Variants in NCOR1 observed in about 807,000 individuals in gnomAD.
NCOR1 encodes nuclear receptor corepressor 1, also known as protein phosphatase 1, regulatory subunit 109.
In NCOR1, 63 loss-of-function variants were observed where a neutral mutation model predicts 288.1. The ratio of observed to expected loss-of-function variants is 0.22; its 90% CI spans 0.18 to 0.27. The LOEUF (loss-of-function observed/expected upper bound fraction) is 0.27. Ranked by LOEUF, NCOR1 falls within the 10% of genes least tolerant of loss-of-function variation. The pLI is 1.00. For missense variants in NCOR1, 2,397 were observed against 3,019.2 expected, an observed-to-expected ratio of 0.79 and a Z score of 4.83; for synonymous variants, 1,007 against 1,065.9, an observed-to-expected ratio of 0.94 and a Z score of 1.08.
At position 16,052,552 on chromosome 17, in the gene NCOR1, G is replaced by GA. The variant is rs1018723620; in HGVS notation, c.6393-3565dup. Among the ~76,000 whole-genome samples the GA allele has an allele frequency of 4.6e-5, 7 of 152,118 alleles. No homozygotes were observed. In the Middle Eastern group the frequency reaches 0.01, roughly 222 times the overall value. On this transcript the variant is annotated intron_variant, in intron 40 of 45. Transcript: ENST00000268712. ...ATACACCCTCCTAAAACTGAACCAG[G>GA]AAAAAACTGATTCCCTGAACAGACC...
In NCOR1 at chr17:16,039,561, T is replaced by C; in HGVS notation, c.6827A>G (p.Asp2276Gly). 3.1e-6 allele frequency: 5 copies of C among 1,614,178 alleles called. No individual in the cohort carries two copies. The highest frequency in any genetic ancestry group is 4.2e-6 in the Non-Finnish European group (5 of 1,180,034). ...IIRKALMGSF[D>G]DKVEDHGVVM... The stretch of plus-strand genomic sequence containing the variant: ...AACTCCATGATCCTCAACTTTGTCA[T>C]CAAAGCTTCCCATGAGAGCCTTCCT... The change falls in exon 44 of 46, where the codon GAT (aspartate) becomes GGT (glycine). Residue 2276 changes from aspartate to glycine, a missense_variant. Physicochemically the swap from Asp to Gly is moderately conservative, Grantham distance 94. Around this residue, in one of 11 missense-constraint regions of NCOR1, gnomAD observed 1,872 missense variants for 2,187.8 expected, o/e 0.86. Transcript: ENST00000268712.
In NCOR1 at chr17:16,062,115, G is replaced by A. The variant is rs2060608800; in HGVS notation, c.5377C>T (p.Leu1793=). 6.2e-7 allele frequency: 1 copy of A among 1,611,264 alleles called. No individual in the cohort carries two copies. The highest frequency in any genetic ancestry group is 1.1e-5 in the South Asian group (1 of 90,226). Residue 1793 remains leucine (L), a synonymous_variant, in exon 36 of 46, where the codon CTA becomes TTA. Transcript: ENST00000268712. ...VITPLDPTAQ[L]RIMPLPAGGP... ...GTACAAGAGACTGACATGATTCGTA[G>A]CTGAGCAGTTGGATCCAAAGGTGTG...
chr17:16,193,561 A>ATTGG (rs2089076908), intron 2 of NCOR1, among the ~76,000 whole-genome samples: 1 of 152,106 alleles, frequency 6.6e-6, no homozygotes, highest in Non-Finnish European at 1.5e-5. Context: ...AGCAGCAACA[A>ATTGG]TAATCCAGAA....
chr17:16,145,234 G>A (rs1002934468), intron 10 of NCOR1, among the ~76,000 whole-genome samples: 4 of 152,244 alleles, frequency 2.6e-5, no homozygotes, highest in African/African-American at 9.6e-5. Context: ...GCAGTGGCGT[G>A]ATCTAGGCTT....
rs746252949 is a variant in NCOR1 at position 16,039,267 on chromosome 17, T to C, written c.6955+166A>G. On this transcript the variant is annotated intron_variant, in intron 44 of 45. Transcript: ENST00000268712. ...TTTTATTTCTGTTCATATTATAATG[T>C]CTGGGTAGGTTTTCAAAAACCTTTT... The C allele has an allele frequency of 6.2e-6, 4 of 640,304 alleles. No individual in the cohort carries two copies. The Admixed American group carries it at 1.2e-4, about 19-fold the overall frequency. The allele number at this position is 640,304 out of a possible 1,614,324, so 39.7% of individuals were successfully genotyped here.
chr17:16,195,206 T>C (rs937793132), intron 1 of NCOR1, among the ~76,000 whole-genome samples: 1 of 152,180 alleles, frequency 6.6e-6, no homozygotes, highest in African/African-American at 2.4e-5. Context: ...GAGCGGTGGC[T>C]ACTCCTGTAA....
Position 16,158,794 on chromosome 17 carries a change from C to A in NCOR1, c.698G>T (p.Arg233Leu). ...VSPPPVEQKH[R>L]SIVQIIYDEN... ...ATCATAAATAATTTGGACAATACTG[C>A]GGTGTTTCTGCTCCACAGGAGGAGG... Residue 233 changes from arginine to leucine, a missense_variant, in exon 6 of 46, where the codon CGC (arginine) becomes CTC (leucine). Transcript: ENST00000268712. 6.2e-7 allele frequency: 1 copy of A among 1,613,952 alleles called. No individual in the cohort carries two copies. The highest frequency in any genetic ancestry group is 8.5e-7 in the Non-Finnish European group (1 of 1,179,880).
Position 16,067,938 on chromosome 17 carries a change from G to C in NCOR1, c.4697C>G (p.Thr1566Arg). The C allele has an allele frequency of 1.9e-6, 3 of 1,614,172 alleles. No homozygotes were observed. The highest frequency in any genetic ancestry group is 1.1e-5 in the South Asian group (1 of 91,082). The change falls in exon 32 of 46, where the codon ACG (threonine) becomes AGG (arginine). Residue 1566 changes from threonine (T) to arginine (R), a missense_variant. By Grantham distance (71) the Thr-to-Arg change is moderately conservative. Transcript: ENST00000268712. ...AGEVYRSHLP[T>R]HLDPAMPFHR... is the part of the protein sequence containing the mutation. ...AAAAGGCATGGCTGGATCCAAGTGC[G>C]TGGGCAGGTGGCTCCGATAAACCTC...
intron 27 of NCOR1, among the ~76,000 whole-genome samples, 156 bp from the exon 28 acceptor site, chr17:16,073,725 T>C (rs1421231449): frequency 6.6e-6 from 1 of 152,160 alleles, no homozygotes; most frequent in Non-Finnish European, 1.5e-5. Flanking sequence ...TGAAAATATT[T>C]TCACTCATTC....
intron 3 of NCOR1, among the ~76,000 whole-genome samples, chr17:16,183,721 C>G (rs1490144292): frequency 6.6e-6 from 1 of 151,930 alleles, no homozygotes; most frequent in East Asian, 1.9e-4. Context: ...GGGTTTTTCA[C>G]AGAAATAGAA....
intron 1 of NCOR1, among the ~76,000 whole-genome samples, chr17:16,201,161 TCTTA>T (rs1272446440): frequency 1.3e-5 from 2 of 152,226 alleles, no homozygotes; most frequent in African/African-American, 4.8e-5. Flanking sequence ...CATCATGACA[TCTTA>T]CTTAAAGACA....
chr17:16,090,055 C>T (rs1240716274), intron 22 of NCOR1, among the ~76,000 whole-genome samples: 5 of 152,076 alleles, frequency 3.3e-5, no homozygotes, highest in African/African-American at 9.6e-5. Flanking sequence ...ATCTAAACCA[C>T]GTGTAGTAAT....
At chr17:16,122,542 T>C (rs2153164438) in intron 15 of NCOR1, 1 of 152,348 alleles carries the variant, frequency 6.6e-6, no homozygotes, top group African/African-American at 2.4e-5. Flanking sequence ...TTCTTCTTTT[T>C]ATATCACTTG....
rs561090974 is a variant in NCOR1, at chr17:16,159,943, C to A, written c.619-1070G>T. Among the ~76,000 whole-genome samples the A allele has an allele frequency of 3.3e-5, 5 of 151,920 alleles. No homozygotes were observed. In the South Asian group the frequency reaches 8.3e-4, roughly 25 times the overall value. ...TTCCAGGGTTCAAGCGATTCTCCTG[C>A]CTCAGCCTCCTGAGTAGCTGGGATT... On this transcript the variant is annotated intron_variant, in intron 5 of 45. Coordinates refer to ENST00000268712, the MANE Select transcript of NCOR1 (RefSeq NM_006311.4).
chr17:16,034,760 C>T lies in NCOR1; in HGVS notation c.7135+5G>A. The stretch of plus-strand genomic sequence containing the variant: ...TCATTTTCTAAGTTAAAGCAGAATC[C>T]TTACCTGTTGAAGAGGGCCTGTCTT... On this transcript the variant is annotated splice_donor_5th_base_variant and intron_variant, in intron 45 of 45. Transcript: ENST00000268712. The T allele has an allele frequency of 6.2e-7, 1 of 1,608,218 alleles. No homozygotes were observed. Among genetic ancestry groups the T allele is most frequent in the South Asian group, 1.1e-5 (1 of 90,394 alleles).
At chr17:16,127,375 A>ATATGTATGTATATATACATGTG in intron 14 of NCOR1, among the ~76,000 whole-genome samples, 1 of 127,358 alleles carries the variant, frequency 7.9e-6, no homozygotes, top group East Asian at 2.1e-4. Context: ...ACATGTATGT[A>ATATGTATGTATATATACATGTG]TATATGTATG....
At chr17:16,084,631 G>A (rs1183255796) in intron 23 of NCOR1, among the ~76,000 whole-genome samples, 1 of 152,136 alleles carries the variant, frequency 6.6e-6, no homozygotes, top group East Asian at 1.9e-4. Flanking sequence ...GTAGATCAGT[G>A]GAACAGCATG....
At chr17:16,081,400 C>T (rs2063394200) in intron 23 of NCOR1, among the ~76,000 whole-genome samples, 6 of 144,380 alleles carry the variant, frequency 4.2e-5, no homozygotes. Flanking sequence ...AAAAAAAAAG[C>T]TGAATCTAGG....
chr17:16,069,121 G>A (rs556848394), intron 31 of NCOR1, among the ~76,000 whole-genome samples: 1 of 152,192 alleles, frequency 6.6e-6, no homozygotes, highest in Non-Finnish European at 1.5e-5. Context: ...AAGCATGATG[G>A]CTGTGTAACC....
Sources: allele counts gnomAD v4.1 joint callset (sites outside exome capture counted in the v4.1 genomes callset), GRCh38; gene constraint gnomAD v4.1.1; regional missense constraint gnomAD v4.1.1; transcripts MANE v1.5; gene names NCBI Gene and HGNC (gene_info 2026-07-23, HGNC 2026-07-21).